FGF13: variants seen among roughly 807,000 people sequenced by gnomAD.
FGF13 encodes fibroblast growth factor homologous factor 2.
In FGF13, 2 loss-of-function variants were observed where a neutral mutation model predicts 19.5. The ratio of observed to expected loss-of-function variants is 0.10; its 90% CI spans 0.04 to 0.32. The LOEUF (loss-of-function observed/expected upper bound fraction) is 0.32. Ranked by LOEUF, FGF13 falls within the 10% of genes least tolerant of loss-of-function variation. The probability of loss-of-function intolerance (pLI) is 1.00; values close to 1 mark genes in which losing one functional copy is unlikely to be tolerated. For synonymous variants in FGF13, 72 were observed against 76.9 expected, an observed-to-expected ratio of 0.94 and a Z score of 0.33; for missense variants, 113 against 192.7, an observed-to-expected ratio of 0.59 and a Z score of 2.45.
chrX:139,120,908 G>A (rs1047774373), intron 1 of FGF13, among the ~76,000 whole-genome samples: 2 of 112,511 alleles, frequency 1.8e-5, no homozygotes, highest in Admixed American at 1.9e-4. Flanking sequence ...GGCAGAGGAG[G>A]CAGAGAAAAT....
chrX:138,967,047 A>C (rs1263050892), intron 1 of FGF13, among the ~76,000 whole-genome samples: 1 of 111,020 alleles, frequency 9.0e-6, no homozygotes, highest in Non-Finnish European at 1.9e-5. Flanking sequence ...ACTGTGAGTC[A>C]ATTAAACCTC....
At chrX:138,773,817 T>C (rs1180852917) in intron 3 of FGF13, among the ~76,000 whole-genome samples, 2 of 112,481 alleles carry the variant, frequency 1.8e-5, no homozygotes, top group Non-Finnish European at 3.8e-5. Context: ...AGGTACTATA[T>C]GCCAGCAATG....
intron 1 of FGF13, among the ~76,000 whole-genome samples, chrX:139,103,613 A>G (rs1416010298): frequency 1.8e-5 from 2 of 112,114 alleles, no homozygotes; most frequent in Admixed American, 9.4e-5. Flanking sequence ...TGACTGTGGT[A>G]ATGGTGGCAA....
chrX:139,117,153 G>A (rs1380836934), intron 1 of FGF13, among the ~76,000 whole-genome samples: 3 of 111,030 alleles, frequency 2.7e-5, no homozygotes, highest in African/African-American at 9.8e-5. Context: ...CTCAACTGGG[G>A]GTAATTTTGT....
chrX:138,703,876 G>A (rs1219348476), intron 2 of FGF13, among the ~76,000 whole-genome samples: 1 of 111,099 alleles, frequency 9.0e-6, no homozygotes, highest in African/African-American at 3.3e-5. Context: ...CACCACGCCC[G>A]GCTAATTTTG....
chrX:138,641,795 C>T (rs1486401809), intron 3 of FGF13, among the ~76,000 whole-genome samples: 2 of 111,511 alleles, frequency 1.8e-5, no homozygotes, highest in African/African-American at 6.5e-5. Flanking sequence ...GGAATCAATA[C>T]TCACCCAGTG....
chrX:138,715,692 T>G (rs1361794912), upstream of FGF13, among the ~76,000 whole-genome samples: 3 of 112,307 alleles, frequency 2.7e-5, no homozygotes, highest in Non-Finnish European at 5.6e-5. Context: ...TCTTCATACT[T>G]CCCATCTCTC....
At position 138,617,851 on chromosome X, in the gene FGF13, G is replaced by A. The variant is rs936639675; in HGVS notation, c.*14999C>T. 3 of 110,674 alleles carry A rather than the reference G, an allele frequency of 2.7e-5. No homozygotes were observed. Among genetic ancestry groups the A allele is most frequent in the Non-Finnish European group, 5.7e-5 (3 of 52,970 alleles). The allele number at this position is 110,674 out of a possible 1,213,427, so 9.1% of individuals were successfully genotyped here. A position where few individuals can be genotyped will look rare whatever the true frequency, so the allele number is the denominator to read the frequency against. On this transcript the variant is annotated 3_prime_UTR_variant, in exon 5 of 5. Coordinates refer to ENST00000315930, the MANE Select transcript of FGF13 (RefSeq NM_004114.5). ...CCAGCTACTTGGGAGGCTGAAGTGG[G>A]AGGATCACTTGACCCAAGAAATTCG...
intron 3 of FGF13, among the ~76,000 whole-genome samples, chrX:138,801,506 T>C (rs2090829128): frequency 9.0e-6 from 1 of 111,608 alleles, no homozygotes; most frequent in Non-Finnish European, 1.9e-5. Context: ...TTCTCTCGTA[T>C]GTGGTGTCTG....
intron 1 of FGF13, among the ~76,000 whole-genome samples, chrX:139,039,342 CT>C (rs1488664343): frequency 9.0e-6 from 1 of 111,688 alleles, no homozygotes; most frequent in East Asian, 2.8e-4. Flanking sequence ...AAGCCCTTTC[CT>C]TTGCATCAAG....
At chrX:138,649,749 G>C (rs756599338) in intron 3 of FGF13, among the ~76,000 whole-genome samples, 1 of 112,141 alleles carries the variant, frequency 8.9e-6, no homozygotes, top group East Asian at 2.8e-4. Flanking sequence ...CTGTTCTCTA[G>C]GTAAAGCAGG....
chrX:139,174,536 G>A (rs1344033099), intron 1 of FGF13, among the ~76,000 whole-genome samples: 1 of 112,062 alleles, frequency 8.9e-6, no homozygotes, highest in African/African-American at 3.2e-5. Context: ...ATGGTTTTAG[G>A]TCTTAACGTT....
At chrX:138,662,997 C>T (rs1348155058) in intron 3 of FGF13, among the ~76,000 whole-genome samples, 3 of 111,198 alleles carry the variant, frequency 2.7e-5, no homozygotes, top group African/African-American at 9.8e-5. Flanking sequence ...TAAGGAACTC[C>T]AGCTTGAACA....
intron 1 of FGF13, among the ~76,000 whole-genome samples, chrX:139,026,764 G>A (rs1434704129): frequency 8.9e-6 from 1 of 111,799 alleles, no homozygotes; most frequent in Non-Finnish European, 1.9e-5. Context: ...CAGTATGCAA[G>A]GGAAACCTTT....
chrX:138,814,195 CA>C (rs2090945909), intron 3 of FGF13, among the ~76,000 whole-genome samples: 1 of 109,377 alleles, frequency 9.1e-6, no homozygotes, highest in Non-Finnish European at 1.9e-5. Flanking sequence ...ATAAAAATAA[CA>C]ATAAGTTATT....
chrX:138,892,527 T>C (rs1449870984), intron 1 of FGF13, among the ~76,000 whole-genome samples: 1 of 111,455 alleles, frequency 9.0e-6, no homozygotes, highest in Non-Finnish European at 1.9e-5. Context: ...TGAAGGTTTT[T>C]TGCAGGAGGT....
intron 1 of FGF13, among the ~76,000 whole-genome samples, chrX:138,993,120 G>T (rs187072406): frequency 8.9e-6 from 1 of 111,885 alleles, no homozygotes; most frequent in Non-Finnish European, 1.9e-5. Flanking sequence ...CCTCAAAAAT[G>T]TCAAGGTCAT....
At chrX:138,686,633 C>T (rs897368874) in intron 3 of FGF13, among the ~76,000 whole-genome samples, 2 of 111,691 alleles carry the variant, frequency 1.8e-5, no homozygotes, top group African/African-American at 6.5e-5. Context: ...GCAAATGACA[C>T]TGATGTCTTG....
At chrX:138,789,760 A>T (rs1328080983) in intron 3 of FGF13, among the ~76,000 whole-genome samples, 1 of 109,007 alleles carries the variant, frequency 9.2e-6, no homozygotes, top group Non-Finnish European at 1.9e-5. Flanking sequence ...AAAAACAAAC[A>T]CACGGCCAGG....
Sources: gnomAD v4.1 joint callset for allele counts (sites outside exome capture counted in the v4.1 genomes callset) on GRCh38, gnomAD v4.1.1 for gene constraint, MANE v1.5 for transcripts, NCBI Gene and HGNC (gene_info 2026-07-23, HGNC 2026-07-21) for gene names.